Variants in DIDO1 observed in about 807,000 individuals in gnomAD.
DIDO1 encodes death inducer-obliterator 1.
DIDO1 carries 16 observed loss-of-function variants against 99.4 expected under a neutral mutation model. The ratio of observed to expected loss-of-function variants is 0.16; its 90% CI spans 0.11 to 0.24. DIDO1 has a LOEUF of 0.24. Among genes scored for constraint, DIDO1 ranks in the 10% least tolerant of loss-of-function variants. The pLI, the probability that DIDO1 is intolerant of heterozygous loss-of-function variation, is 1.00. For synonymous variants in DIDO1, 1,366 were observed against 1,239.1 expected (o/e 1.10, Z -2.15); for missense variants, 2,996 against 3,014.0 (o/e 0.99, Z 0.14).
At chr20:62,931,496 T>C (rs1319077971), upstream of DIDO1, among the ~76,000 whole-genome samples, 1 of 152,302 alleles carries the variant, frequency 6.6e-6, no homozygotes, top group African/African-American at 2.4e-5. Flanking sequence ...AAAAAAACGC[T>C]TGGACAGATT....
At chr20:62,932,390 CAGAG>C (rs1335174833) in intron 1 of DIDO1, among the ~76,000 whole-genome samples, 2 of 152,182 alleles carry the variant, frequency 1.3e-5, no homozygotes, top group Non-Finnish European at 1.5e-5. Context: ...ACTTAAGACA[CAGAG>C]AGAACTATCC....
At position 62,922,694 on chromosome 20, in the gene DIDO1, C is replaced by T. The variant is rs2273416; in HGVS notation, c.-200+3745G>A. Among the ~76,000 whole-genome samples the T allele has an allele frequency of 3.0e-4, 45 of 152,322 alleles. No homozygotes were observed. In the East Asian group the frequency reaches 8.5e-3, roughly 29 times the overall value. ...TCATCTGCGGCAAGTGTGCAACAGACGGTAGGTGCCACCTAAGAAAGTGAC... is the reference window on the plus strand; with the variant it reads ...TCATCTGCGGCAAGTGTGCAACAGATGGTAGGTGCCACCTAAGAAAGTGAC... On this transcript the variant is annotated intron_variant, in intron 1 of 15. Transcript: ENST00000395343.
At chr20:62,900,331 C>A (rs2064638924) in intron 6 of DIDO1, among the ~76,000 whole-genome samples, 1 of 152,250 alleles carries the variant, frequency 6.6e-6, no homozygotes, top group Non-Finnish European at 1.5e-5. Context: ...TGAAGCAGGT[C>A]GTCGTCGTGC....
intron 6 of DIDO1, among the ~76,000 whole-genome samples, chr20:62,900,607 G>A (rs2064648224): frequency 6.6e-6 from 1 of 152,232 alleles, no homozygotes; most frequent in Non-Finnish European, 1.5e-5. Context: ...ACTGTCCAGA[G>A]GCCCCCATGT....
intron 4 of DIDO1, among the ~76,000 whole-genome samples, chr20:62,909,039 G>A (rs757968038): frequency 1.3e-5 from 2 of 152,228 alleles, no homozygotes; most frequent in South Asian, 2.1e-4. Context: ...CCCAGCCTTC[G>A]GACATCCTCA....
intron 1 of DIDO1, among the ~76,000 whole-genome samples, chr20:62,921,849 T>G (rs2065142830): frequency 6.6e-6 from 1 of 150,666 alleles, no homozygotes; most frequent in East Asian, 1.9e-4. Flanking sequence ...ATATATCCAC[T>G]ACATATACCC....
Position 62,894,990 on chromosome 20 carries a change from A to G in DIDO1, c.2331+59T>C, listed in dbSNP as rs4491775. 1.9e-6 allele frequency: 3 copies of G among 1,597,090 alleles called. No individual in the cohort carries two copies. In the African/African-American group the frequency reaches 4.0e-5, roughly 21 times the overall value. On this transcript the variant is annotated intron_variant, in intron 9 of 15. Transcript: ENST00000395343. The surrounding 1 kb of genome is among the most constrained non-coding windows in gnomAD (Gnocchi z 4.4). The stretch of plus-strand genomic sequence containing the variant: ...AGCATCGCTTATGCAGCCGTCTATG[A>G]ATTTATTTCTATTAAGCTCGAGTCC...
chr20:62,922,067 CTATA>C (rs1416154855), intron 1 of DIDO1, among the ~76,000 whole-genome samples: 4 of 148,770 alleles, frequency 2.7e-5, no homozygotes, highest in Non-Finnish European at 4.4e-5. Context: ...TATACACACA[CTATA>C]TACACTATAT....
Position 62,896,007 on chromosome 20 carries a change from G to A in DIDO1, c.2214+226C>T, listed in dbSNP as rs1248591131. ...GTGGTGATAAAAGGTGGACTTCAGG[G>A]AAGCCAGGAAGCGGACGCGACCCTA... On this transcript the variant is annotated intron_variant, in intron 8 of 15. Transcript: ENST00000395343. The surrounding 1 kb of genome is among the most constrained non-coding windows in gnomAD (Gnocchi z 4.4). Among the ~76,000 whole-genome samples, 1 of 152,198 alleles carries A rather than the reference G, an allele frequency of 6.6e-6. No homozygotes were observed.
At chr20:62,892,593 G>T (rs183810892) in intron 13 of DIDO1, among the ~76,000 whole-genome samples, 3 of 152,152 alleles carry the variant, frequency 2.0e-5, no homozygotes, top group Non-Finnish European at 4.4e-5. Flanking sequence ...TCACATTTCC[G>T]ACCCTGTCCA....
intron 6 of DIDO1, among the ~76,000 whole-genome samples, chr20:62,900,846 A>G (rs1273538618): frequency 6.6e-6 from 1 of 152,222 alleles, no homozygotes; most frequent in Non-Finnish European, 1.5e-5. Flanking sequence ...GGCTGTTTCT[A>G]TGCTATGCAC....
chr20:62,884,964 A>G (rs763038857), intron 15 of DIDO1, among the ~76,000 whole-genome samples: 4 of 152,220 alleles, frequency 2.6e-5, no homozygotes, highest in African/African-American at 7.2e-5. Context: ...TCTGCTTAAC[A>G]TGAGTTGAAC....
rs372375066 is a variant in DIDO1, at chr20:62,895,205, T to C, written c.2215-40A>G. ...TTTTCATTTACTCAAATAATATTCC[T>C]ATATCTGTCAATACAGAGAGCTTCT... On this transcript the variant is annotated intron_variant, in intron 8 of 15. Coordinates refer to ENST00000395343, the MANE Select transcript of DIDO1 (RefSeq NM_001193369.2). 2.6e-5 allele frequency: 40 copies of C among 1,541,392 alleles called. No individual in the cohort carries two copies. In the African/African-American group the frequency reaches 4.9e-4, roughly 19 times the overall value.
chr20:62,928,513 C>T (rs925637153), upstream of DIDO1: 3 of 152,202 alleles, frequency 2.0e-5, no homozygotes, highest in Non-Finnish European at 1.5e-5. Flanking sequence ...CAGCTTTATC[C>T]CAGCTTACCT....
At chr20:62,921,901 A>G (rs555558765) in intron 1 of DIDO1, among the ~76,000 whole-genome samples, 1 of 149,666 alleles carries the variant, frequency 6.7e-6, no homozygotes, top group Non-Finnish European at 1.5e-5. Flanking sequence ...CTATATATAT[A>G]TCCACAATAT....
chr20:62,909,604 T>C, intron 4 of DIDO1, 95 bp downstream of exon 4: 2 of 1,496,656 alleles, frequency 1.3e-6, no homozygotes, highest in East Asian at 2.3e-5. Flanking sequence ...CCCACATGGG[T>C]GCAGCACCCG....
chr20:62,909,126 G>C (rs2147492734), intron 4 of DIDO1, among the ~76,000 whole-genome samples: 1 of 152,382 alleles, frequency 6.6e-6, no homozygotes, highest in Non-Finnish European at 1.5e-5. Context: ...CCTGCCAGAG[G>C]ACAGGCAGCT....
intron 1 of DIDO1, among the ~76,000 whole-genome samples, chr20:62,934,996 ATCAACTCTCAAC>A (rs2065367635): frequency 1.3e-5 from 2 of 152,132 alleles, no homozygotes; most frequent in Non-Finnish European, 2.9e-5. Flanking sequence ...TACTGTACCC[ATCAACTCTCAAC>A]TCTAGCCCTG....
chr20:62,913,653 T>C (rs1340843834), intron 2 of DIDO1, among the ~76,000 whole-genome samples: 1 of 152,278 alleles, frequency 6.6e-6, no homozygotes, highest in Non-Finnish European at 1.5e-5. Context: ...CTCGTTTTCA[T>C]GCAACACTTG....
Sources: gnomAD v4.1 joint callset for allele counts (sites outside exome capture counted in the v4.1 genomes callset) on GRCh38, gnomAD v4.1.1 for gene constraint, Gnocchi (gnomAD v3.1) non-coding constraint, MANE v1.5 for transcripts, NCBI Gene and HGNC (gene_info 2026-07-23, HGNC 2026-07-21) for gene names.